LRRTM4: variants seen among roughly 807,000 people sequenced by gnomAD.
The protein encoded by LRRTM4 is leucine rich repeat transmembrane neuronal 4, also known as leucine-rich repeat transmembrane neuronal protein 4.
LRRTM4 carries 25 observed loss-of-function variants against 47.6 expected under a neutral mutation model. The observed-to-expected ratio is 0.53, with a 90% confidence interval of 0.38 to 0.73. The LOEUF (loss-of-function observed/expected upper bound fraction) is 0.73, where lower values mean the gene tolerates loss of function less well. Ranked by LOEUF, LRRTM4 falls within the 30% of genes least tolerant of loss-of-function variation. The pLI is 0.00. For missense variants in LRRTM4, 638 were observed against 713.4 expected (o/e 0.89, Z 1.20); for synonymous variants, 311 against 269.5 (o/e 1.15, Z -1.51).
chr2:77,320,101 G>A (rs1478515341), intron 3 of LRRTM4, among the ~76,000 whole-genome samples: 1 of 151,720 alleles, frequency 6.6e-6, no homozygotes, highest in African/African-American at 2.4e-5. Flanking sequence ...GGTCTTTGTT[G>A]AGCCTTCTTA....
chr2:76,976,998 G>A (rs1676443090), intron 3 of LRRTM4, among the ~76,000 whole-genome samples: 1 of 122,620 alleles, frequency 8.2e-6, no homozygotes, highest in African/African-American at 4.7e-5. Flanking sequence ...CAGAAAAAAA[G>A]CATTAATAGG....
chr2:77,020,026 C>T (rs1320343702), intron 3 of LRRTM4, among the ~76,000 whole-genome samples: 5 of 151,912 alleles, frequency 3.3e-5, no homozygotes, highest in African/African-American at 1.2e-4. Context: ...TCCTAGGTTA[C>T]TTGGAAAACA....
At chr2:77,034,249 TC>T (rs1678762193) in intron 3 of LRRTM4, among the ~76,000 whole-genome samples, 1 of 151,932 alleles carries the variant, frequency 6.6e-6, no homozygotes, top group Non-Finnish European at 1.5e-5. Flanking sequence ...AAGGTAAACA[TC>T]CTTGTCACCA....
chr2:77,102,783 A>G (rs1670991632), intron 3 of LRRTM4, among the ~76,000 whole-genome samples: 1 of 152,198 alleles, frequency 6.6e-6, no homozygotes. Context: ...TTATCACATA[A>G]TAGGGGTCAA....
intron 3 of LRRTM4, among the ~76,000 whole-genome samples, chr2:76,901,480 G>GA (rs1385401224): frequency 1.3e-5 from 2 of 151,514 alleles, no homozygotes; most frequent in Non-Finnish European, 2.9e-5. Context: ...GACTTAGACA[G>GA]AAAAAAGGGA....
intron 3 of LRRTM4, among the ~76,000 whole-genome samples, chr2:76,919,491 G>A (rs1001023064): frequency 2.0e-5 from 3 of 152,112 alleles, no homozygotes; most frequent in Non-Finnish European, 4.4e-5. Context: ...GAGCAACCCA[G>A]CCCTTCTGGT....
chr2:76,975,426 A>AT lies in LRRTM4; in HGVS notation c.1552-226511dup, dbSNP rs985159196. Among the ~76,000 whole-genome samples the AT allele has an allele frequency of 8.7e-5, 13 of 149,788 alleles. No individual in the cohort carries two copies. In the South Asian group the frequency reaches 2.1e-3, roughly 24 times the overall value. Reference sequence around the variant, plus strand: ...GACTTATTTATTTATTTATTTATTTATTATTTATTTTAAGGAAAATCTGAG... The same window carrying AT: ...GACTTATTTATTTATTTATTTATTTATTTATTTATTTTAAGGAAAATCTGAG... On this transcript the variant is annotated intron_variant, in intron 3 of 3. Transcript: ENST00000409884.
intron 3 of LRRTM4, among the ~76,000 whole-genome samples, chr2:77,278,065 G>T (rs1027839412): frequency 6.6e-6 from 1 of 151,892 alleles, no homozygotes; most frequent in Non-Finnish European, 1.5e-5. Flanking sequence ...GAGAGATGTG[G>T]CATTTTACTT....
intron 3 of LRRTM4, among the ~76,000 whole-genome samples, chr2:77,028,126 T>C (rs1053727317): frequency 2.0e-5 from 3 of 152,148 alleles, no homozygotes; most frequent in Non-Finnish European, 2.9e-5. Flanking sequence ...TGTTAGGCTC[T>C]ATATGGACAA....
chr2:77,483,530 G>A (rs139195744), intron 3 of LRRTM4, among the ~76,000 whole-genome samples: 1 of 152,192 alleles, frequency 6.6e-6, no homozygotes, highest in East Asian at 1.9e-4. Context: ...TAGTAGAGAC[G>A]GAGTTTCACC....
At chr2:77,188,192 T>C (rs1421999267) in intron 3 of LRRTM4, among the ~76,000 whole-genome samples, 1 of 152,178 alleles carries the variant, frequency 6.6e-6, no homozygotes, top group Non-Finnish European at 1.5e-5. Context: ...TATTTCTACA[T>C]GTGGTCTAAG....
At chr2:77,405,498 T>G (rs893098391) in intron 3 of LRRTM4, among the ~76,000 whole-genome samples, 16 of 152,120 alleles carry the variant, frequency 1.1e-4, no homozygotes, top group African/African-American at 3.9e-4. Flanking sequence ...AGAAGCTTCT[T>G]TCTTTTTCTA....
chr2:77,386,337 A>C (rs1018438901), intron 3 of LRRTM4, among the ~76,000 whole-genome samples: 1 of 152,184 alleles, frequency 6.6e-6, no homozygotes, highest in African/African-American at 2.4e-5. Context: ...ACATAAGTCA[A>C]GTATATCTAA....
chr2:77,229,340 A>G (rs1674901300), intron 3 of LRRTM4, among the ~76,000 whole-genome samples: 1 of 152,028 alleles, frequency 6.6e-6, no homozygotes, highest in African/African-American at 2.4e-5. Context: ...TCTCTAAATC[A>G]TATATTCCTT....
At chr2:77,413,372 T>C (rs1393185344) in intron 3 of LRRTM4, among the ~76,000 whole-genome samples, 1 of 150,550 alleles carries the variant, frequency 6.6e-6, no homozygotes, top group East Asian at 1.9e-4. Context: ...CCTCTCTTCA[T>C]GTAACCAATT....
Position 77,519,008 on chromosome 2 carries a change from G to A in LRRTM4, c.861C>T (p.Asn287=). ...PNLQKLNLDS[N]KLTNISQETV... is the part of the protein sequence containing the mutation. ...TTTCCTGTGAGATATTGGTGAGCTT[G>A]TTGGAATCCAAATTCAATTTTTGTA... The change falls in exon 3 of 4, where the codon AAC becomes AAT. Residue 287 remains asparagine (N), a synonymous_variant. Coordinates refer to ENST00000409884, the MANE Select transcript of LRRTM4 (RefSeq NM_001134745.3). The surrounding 1 kb of genome is among the most constrained non-coding windows in gnomAD (Gnocchi z 4.6). 6.2e-7 allele frequency: 1 copy of A among 1,611,778 alleles called. No homozygotes were observed. The highest frequency in any genetic ancestry group is 2.2e-5 in the East Asian group (1 of 44,770).
chr2:76,855,736 C>T (rs927291116), intron 3 of LRRTM4, among the ~76,000 whole-genome samples: 2 of 152,154 alleles, frequency 1.3e-5, no homozygotes, highest in African/African-American at 4.8e-5. Flanking sequence ...AGAGAAATCA[C>T]TGTCCTGTAG....
intron 3 of LRRTM4, among the ~76,000 whole-genome samples, chr2:77,159,722 G>C (rs558088525): frequency 6.6e-6 from 1 of 152,110 alleles, no homozygotes; most frequent in African/African-American, 2.4e-5. Flanking sequence ...AAAGGTGGAA[G>C]AGGAGGCAAG....
chr2:77,394,821 C>G (rs1322953154), intron 3 of LRRTM4, among the ~76,000 whole-genome samples: 1 of 151,884 alleles, frequency 6.6e-6, no homozygotes, highest in Non-Finnish European at 1.5e-5. Context: ...CCTATGTAAA[C>G]CAGCCAGAAC....
Sources: allele counts gnomAD v4.1 joint callset (sites outside exome capture counted in the v4.1 genomes callset), GRCh38; gene constraint gnomAD v4.1.1; non-coding constraint Gnocchi (gnomAD v3.1); transcripts MANE v1.5; gene names NCBI Gene and HGNC (gene_info 2026-07-23, HGNC 2026-07-21).